Variants in ATP8A2 observed in about 807,000 individuals in gnomAD.
ATP8A2 encodes the protein phospholipid-transporting ATPase IB.
In ATP8A2, 100 loss-of-function variants were observed where a neutral mutation model predicts 165.6. The ratio of observed to expected loss-of-function variants is 0.60; its 90% confidence interval spans 0.51 to 0.71. ATP8A2 has a LOEUF of 0.71. Among genes scored for constraint, ATP8A2 ranks in the 30% least tolerant of loss-of-function variants. ATP8A2 has a pLI of 0.00. For synonymous variants in ATP8A2, 543 were observed against 548.8 expected, an observed-to-expected ratio of 0.99 and a Z score of 0.15; for missense variants, 1,227 against 1,479.5, an observed-to-expected ratio of 0.83 and a Z score of 2.80.
intron 24 of ATP8A2, among the ~76,000 whole-genome samples, chr13:25,647,002 A>T (rs538672905): frequency 6.6e-6 from 1 of 152,336 alleles, no homozygotes; most frequent in East Asian, 1.9e-4. Flanking sequence ...ACATGCAACA[A>T]CACTACACTT....
At chr13:25,391,785 G>A (rs1484227937) in intron 1 of ATP8A2, among the ~76,000 whole-genome samples, 1 of 152,230 alleles carries the variant, frequency 6.6e-6, no homozygotes, top group Non-Finnish European at 1.5e-5. Flanking sequence ...CCGTACAGAA[G>A]GAAGGCCACA....
At chr13:25,579,549 C>T (rs763555518) in intron 21 of ATP8A2, among the ~76,000 whole-genome samples, 10 of 152,112 alleles carry the variant, frequency 6.6e-5, no homozygotes, top group African/African-American at 1.7e-4. Context: ...GCACAGCTCC[C>T]GAACCTCTCT....
intron 2 of ATP8A2, among the ~76,000 whole-genome samples, chr13:25,508,311 A>G (rs2037114750): frequency 2.0e-5 from 3 of 152,244 alleles, no homozygotes; most frequent in Admixed American, 2.0e-4. Context: ...CCTCAGACTC[A>G]TTAATTCCAC....
Position 26,022,694 on chromosome 13 carries a change from C to G in ATP8A2, c.*2709C>G, listed in dbSNP as rs1219688297. The G allele has an allele frequency of 6.6e-6, 1 of 152,208 alleles. No homozygotes were observed. The highest frequency in any genetic ancestry group is 1.5e-5 in the Non-Finnish European group (1 of 68,050). The allele number at this position is 152,208 out of a possible 1,614,324, so 9.4% of individuals were successfully genotyped here. On this transcript the variant is annotated 3_prime_UTR_variant, in exon 37 of 37. Transcript: ENST00000381655. ...TCAGGGGCTGTGTCATTTGTCCTAT[C>G]TTTAAATTGAGGTCAGAGTGTCACA...
In ATP8A2 at chr13:25,609,534, G is replaced by GGGATTCAAATATATATATATATATATTT. The variant is rs2040605487; in HGVS notation, c.2211+19859_2211+19860insATTTGGATTCAAATATATATATATATAT. Among the ~76,000 whole-genome samples the GGGATTCAAATATATATATATATATATTT allele has an allele frequency of 2.8e-4, 12 of 42,294 alleles. No homozygotes were observed. In the South Asian group the frequency reaches 7.3e-3, roughly 26 times the overall value. The allele number at this position is 42,294 out of a possible 152,430, so 27.7% of individuals were successfully genotyped here. Reference sequence around the variant, plus strand: ...AAGGATTCCAAATATATATATATTTGGGATTCAAATATATATATATATATT... The same window carrying GGGATTCAAATATATATATATATATATTT: ...AAGGATTCCAAATATATATATATTTGGGATTCAAATATATATATATATATATTTGGATTCAAATATATATATATATATT... On this transcript the variant is annotated intron_variant, in intron 24 of 36. Coordinates refer to ENST00000381655, the MANE Select transcript of ATP8A2 (RefSeq NM_016529.6).
At chr13:26,017,168 T>C (rs1056004311) in intron 36 of ATP8A2, among the ~76,000 whole-genome samples, 5 of 152,190 alleles carry the variant, frequency 3.3e-5, no homozygotes, top group East Asian at 1.9e-4. Context: ...TTGGGGTGAC[T>C]GTTCTTTACT....
At chr13:25,459,204 A>G (rs550149057) in intron 1 of ATP8A2, among the ~76,000 whole-genome samples, 6 of 152,324 alleles carry the variant, frequency 3.9e-5, no homozygotes, top group African/African-American at 1.4e-4. Flanking sequence ...TCCTTATTCA[A>G]GGAAGACTGA....
intron 33 of ATP8A2, among the ~76,000 whole-genome samples, chr13:25,940,035 G>GT (rs1408383279): frequency 1.3e-5 from 2 of 152,154 alleles, no homozygotes; most frequent in Non-Finnish European, 2.9e-5. Flanking sequence ...GTGAAAGGAT[G>GT]TGGATCCTGC....
chr13:25,968,740 C>A, intron 35 of ATP8A2, 61 bp downstream of exon 35: 2 of 1,316,152 alleles, frequency 1.5e-6, no homozygotes, highest in Non-Finnish European at 2.2e-6. Flanking sequence ...TTCCCTTATT[C>A]CTTCCTGTAT....
chr13:25,543,951 A>G (rs549624475), intron 10 of ATP8A2, among the ~76,000 whole-genome samples: 33 of 152,238 alleles, frequency 2.2e-4, no homozygotes, highest in Non-Finnish European at 1.2e-4. Context: ...TTGAAATTCT[A>G]CAGAAATCAG....
intron 1 of ATP8A2, among the ~76,000 whole-genome samples, chr13:25,465,538 G>T (rs934646897): frequency 7.0e-6 from 1 of 143,452 alleles, no homozygotes. Flanking sequence ...AAAAGTTATT[G>T]TTCCTGTTAT....
At chr13:25,780,297 A>G (rs2044844768) in intron 27 of ATP8A2, among the ~76,000 whole-genome samples, 1 of 152,162 alleles carries the variant, frequency 6.6e-6, no homozygotes, top group African/African-American at 2.4e-5. Context: ...TAACCATAAC[A>G]TATGTATATT....
Position 25,738,350 on chromosome 13 carries a change from C to CA in ATP8A2, c.2385-30696_2385-30695insA, listed in dbSNP as rs1368039091. On this transcript the variant is annotated intron_variant, in intron 25 of 36. Transcript: ENST00000381655. Reference sequence around the variant, plus strand: ...CTTTTTGTGCCCCCCTCCCCCCCCCCCACACACACTTCTTCTGGTAGTTGC... The same window carrying CA: ...CTTTTTGTGCCCCCCTCCCCCCCCCCACACACACACTTCTTCTGGTAGTTGC... Among the ~76,000 whole-genome samples, 933 of 97,834 alleles carry CA rather than the reference C, an allele frequency of 9.5e-3. 6 individuals carry two copies. Among genetic ancestry groups the CA allele is most frequent in the South Asian group, 0.017 (53 of 3,086 alleles). 64.2% of individuals were successfully genotyped at this position (97,834 alleles called of 152,430 possible).
At chr13:25,868,196 A>T (rs972383169) in intron 33 of ATP8A2, 1 of 447,636 alleles carries the variant, frequency 2.2e-6, no homozygotes, top group Non-Finnish European at 4.5e-6. Flanking sequence ...AAACTGTTTT[A>T]TTATACTCAA....
chr13:25,571,477 A>G, intron 17 of ATP8A2, 133 bp from the exon 18 acceptor site: 2 of 639,508 alleles, frequency 3.1e-6, no homozygotes, highest in Non-Finnish European at 5.5e-6. Flanking sequence ...CTCTATCCTG[A>G]GTCTTTACTA....
chr13:25,672,497 G>C (rs2042287761), intron 24 of ATP8A2, among the ~76,000 whole-genome samples: 1 of 152,098 alleles, frequency 6.6e-6, no homozygotes, highest in African/African-American at 2.4e-5. Flanking sequence ...GTTTGGCAAG[G>C]GGAGTTCAAT....
intron 24 of ATP8A2, among the ~76,000 whole-genome samples, chr13:25,641,462 C>G (rs1477618694): frequency 1.3e-5 from 2 of 152,140 alleles, no homozygotes; most frequent in African/African-American, 2.4e-5. Flanking sequence ...ACACCAATAA[C>G]AGACAAACAG....
At chr13:25,468,733 C>A in intron 1 of ATP8A2, 1 of 686,140 alleles carries the variant, frequency 1.5e-6, no homozygotes, top group Non-Finnish European at 1.8e-6. Context: ...GCGGGGCTCG[C>A]TCCACAAGCG....
rs985053562 is a variant in ATP8A2, at chr13:26,021,325, A to T, written c.*1340A>T. ...AATTGTCATGATCAGCCCAGTGTGTATGAGAGCTTAAACAAGACCTTCACA... is the reference window on the plus strand; with the variant it reads ...AATTGTCATGATCAGCCCAGTGTGTTTGAGAGCTTAAACAAGACCTTCACA... On this transcript the variant is annotated 3_prime_UTR_variant, in exon 37 of 37. Transcript: ENST00000381655. 6.6e-6 allele frequency: 1 copy of T among 152,260 alleles called. No homozygotes were observed. The highest frequency in any genetic ancestry group is 2.4e-5 in the African/African-American group (1 of 41,454). The allele number at this position is 152,260 out of a possible 1,614,324, so 9.4% of individuals were successfully genotyped here.
Sources: allele counts gnomAD v4.1 joint callset (sites outside exome capture counted in the v4.1 genomes callset), GRCh38; gene constraint gnomAD v4.1.1; transcripts MANE v1.5; gene names NCBI Gene and HGNC (gene_info 2026-07-23, HGNC 2026-07-21).